The following SI variants were observed in gnomAD, a reference collection of about 807,000 sequenced individuals.
SI encodes the protein sucrase-isomaltase.
SI carries 235 observed loss-of-function variants against 253.3 expected under a neutral mutation model. The observed-to-expected ratio is 0.93, with a 90% confidence interval of 0.83 to 1.03. The LOEUF is 1.03. SI is among the 50% of genes least tolerant of loss of function. SI has a pLI of 0.00. For synonymous variants in SI, 819 were observed against 712.0 expected (o/e 1.15, Z -2.39); for missense variants, 2,442 against 2,211.1 (o/e 1.10, Z -2.09).
chr3:165,026,231 C>T (rs565722063), intron 25 of SI, among the ~76,000 whole-genome samples: 2 of 151,282 alleles, frequency 1.3e-5, no homozygotes, highest in South Asian at 4.1e-4. Flanking sequence ...TTAAAAAAGG[C>T]AAAGATGGAC....
chr3:164,995,631 C>T (rs1431751383), intron 40 of SI, among the ~76,000 whole-genome samples: 2 of 151,638 alleles, frequency 1.3e-5, no homozygotes, highest in Non-Finnish European at 3.0e-5. Context: ...TACTTTGTTG[C>T]TCCCATGTGG....
chr3:165,014,540 C>G (rs1050728734), intron 33 of SI, among the ~76,000 whole-genome samples: 1 of 152,198 alleles, frequency 6.6e-6, no homozygotes, highest in African/African-American at 2.4e-5. Context: ...TGAGCCACCA[C>G]GCCTGGCCCT....
chr3:165,014,655 T>C (rs1023479104), intron 33 of SI, among the ~76,000 whole-genome samples: 18 of 152,166 alleles, frequency 1.2e-4, no homozygotes, highest in Non-Finnish European at 2.1e-4. Context: ...AAAATATTTT[T>C]GTAATATATT....
intron 13 of SI, among the ~76,000 whole-genome samples, chr3:165,052,291 C>A (rs915502163): frequency 1.3e-5 from 2 of 152,044 alleles, no homozygotes; most frequent in African/African-American, 2.4e-5. Flanking sequence ...TTTAATATTA[C>A]AACTAGTAGA....
chr3:165,082,121 G>C (rs149726082), upstream of SI, among the ~76,000 whole-genome samples: 411 of 151,934 alleles, frequency 2.7e-3, 2 homozygotes, highest in African/African-American at 9.3e-3. Flanking sequence ...ATCTTCAACA[G>C]TCTAAAGTAG....
At chr3:165,048,580 T>TAGAGAGAG (rs71156876) in intron 15 of SI, among the ~76,000 whole-genome samples, 2 of 109,846 alleles carry the variant, frequency 1.8e-5, no homozygotes, top group East Asian at 5.3e-4. Context: ...TATATATATA[T>TAGAGAGAG]ATATAGAGAG....
chr3:165,002,680 GT>G (rs763302417), intron 37 of SI, among the ~76,000 whole-genome samples: 1 of 151,388 alleles, frequency 6.6e-6, no homozygotes, highest in Non-Finnish European at 1.5e-5. Context: ...TATTTATAGT[GT>G]TTTTTTACAT....
chr3:165,030,959 A>T (rs1712205238), intron 24 of SI, 92 bp from the exon 25 acceptor site: 10 of 1,445,328 alleles, frequency 6.9e-6, no homozygotes, highest in South Asian at 2.8e-5. Flanking sequence ...TGGATGATTT[A>T]AAAAAACATT....
At chr3:165,079,606 G>A (rs1715215611), upstream of SI, among the ~76,000 whole-genome samples, 1 of 151,480 alleles carries the variant, frequency 6.6e-6, no homozygotes, top group African/African-American at 2.4e-5. Flanking sequence ...TAAAACTTTT[G>A]AGTGATTTAC....
rs776197378 is a variant in SI at position 165,021,381 on chromosome 3, A to C, written c.3102T>G (p.Ile1034Met). 1.2e-6 allele frequency: 2 copies of C among 1,609,332 alleles called. No homozygotes were observed. The highest frequency in any genetic ancestry group is 1.1e-5 in the South Asian group (1 of 91,006). ...YHKNDMLQFK[I>M]YDPQKKRYEV... is the part of the protein sequence containing the mutation. ...CATATCTCTTCTTTTGGGGATCATA[A>C]ATCTATTGCAGATAAGTAGTAAAAA... Residue 1034 changes from isoleucine to methionine, a missense_variant and splice_region_variant, in exon 27 of 48, where the codon ATT becomes ATG. Coordinates refer to ENST00000264382, the MANE Select transcript of SI (RefSeq NM_001041.4).
upstream of SI, among the ~76,000 whole-genome samples, chr3:165,081,037 C>T (rs548253330): frequency 9.9e-5 from 15 of 152,018 alleles, no homozygotes; most frequent in African/African-American, 3.6e-4. Context: ...ATTACTTCTG[C>T]CACCCTAGCT....
intron 37 of SI, among the ~76,000 whole-genome samples, chr3:165,006,401 T>C (rs1421619279): frequency 6.6e-6 from 1 of 152,194 alleles, no homozygotes; most frequent in African/African-American, 2.4e-5. Flanking sequence ...TGAGCCACTG[T>C]GCCTGGGCTG....
intron 37 of SI, among the ~76,000 whole-genome samples, chr3:165,002,753 G>C (rs960620116): frequency 3.3e-5 from 5 of 151,554 alleles, no homozygotes; most frequent in African/African-American, 9.7e-5. Flanking sequence ...GAGTTCAGCA[G>C]TTTTTTGTAA....
chr3:165,046,785 T>C, intron 16 of SI, 56 bp downstream of exon 16: 1 of 1,358,962 alleles, frequency 7.4e-7, no homozygotes, highest in Non-Finnish European at 1.0e-6. Flanking sequence ...TAAGATTACA[T>C]TAAAAATTAA....
intron 44 of SI, 108 bp downstream of exon 44, chr3:164,991,245 T>C: frequency 1.7e-6 from 2 of 1,192,064 alleles, no homozygotes; most frequent in Non-Finnish European, 1.2e-6. Flanking sequence ...GGCAGGCTAA[T>C]GTACTAGCTT....
At chr3:164,982,607 A>T (rs1405338939) in intron 46 of SI, among the ~76,000 whole-genome samples, 197 bp from the exon 47 acceptor site, 2 of 152,110 alleles carry the variant, frequency 1.3e-5, no homozygotes, top group Non-Finnish European at 2.9e-5. Flanking sequence ...GTATCTATTT[A>T]TTGAGACAGG....
At chr3:165,047,200 A>G (rs1003440580) in intron 15 of SI, among the ~76,000 whole-genome samples, 188 bp from the exon 16 acceptor site, 15 of 152,014 alleles carry the variant, frequency 9.9e-5, no homozygotes, top group Non-Finnish European at 4.4e-5. Context: ...GAGATGATTG[A>G]ATTATGGGGG....
At chr3:165,011,756 GTTATTATTTAT>G (rs1202683218) in intron 34 of SI, among the ~76,000 whole-genome samples, 3 of 147,268 alleles carry the variant, frequency 2.0e-5, no homozygotes, top group East Asian at 2.0e-4. Context: ...ATTCATTATT[GTTATTATTTAT>G]TTATTATTTA....
chr3:164,990,734 C>T (rs1179983021), intron 44 of SI, among the ~76,000 whole-genome samples: 1 of 151,982 alleles, frequency 6.6e-6, no homozygotes, highest in Non-Finnish European at 1.5e-5. Flanking sequence ...ACATCACACA[C>T]CGGGGCCTGT....
Sources: allele counts gnomAD v4.1 joint callset (sites outside exome capture counted in the v4.1 genomes callset), GRCh38; gene constraint gnomAD v4.1.1; transcripts MANE v1.5; gene names NCBI Gene and HGNC (gene_info 2026-07-23, HGNC 2026-07-21).